Variants in CCDC146 observed in about 807,000 individuals in gnomAD.
CCDC146 encodes coiled-coil domain-containing protein 146.
CCDC146 carries 92 observed loss-of-function variants against 119.3 expected under a neutral mutation model. The ratio of observed to expected loss-of-function variants is 0.77; its 90% CI spans 0.65 to 0.92. CCDC146 has a LOEUF of 0.92. Among genes scored for constraint, CCDC146 ranks in the 40% least tolerant of loss-of-function variants. CCDC146 has a pLI of 0.00. For missense variants in CCDC146, 1,000 were observed against 1,103.0 expected (o/e 0.91, Z 1.32); for synonymous variants, 372 against 371.8 (o/e 1.00, Z -0.01).
intron 1 of CCDC146, among the ~76,000 whole-genome samples, chr7:77,135,065 A>C (rs1352881631): frequency 6.6e-6 from 1 of 152,232 alleles, no homozygotes; most frequent in African/African-American, 2.4e-5. Flanking sequence ...TCACAACTAC[A>C]ACCACCATTG....
In CCDC146 at chr7:77,282,117, T is replaced by C. The variant is rs527785661; in HGVS notation, c.1920-440T>C. 3.9e-5 allele frequency among the ~76,000 whole-genome samples: 6 copies of C among 152,330 alleles called. No homozygotes were observed. In the East Asian group the frequency reaches 1.2e-3, roughly 29 times the overall value. Reference sequence around the variant, plus strand: ...CAACTTGAGAAGAAACTAATGGGCCTAGCAACTTAATATAGAGCAGACTCA... The same window carrying C: ...CAACTTGAGAAGAAACTAATGGGCCCAGCAACTTAATATAGAGCAGACTCA... On this transcript the variant is annotated intron_variant, in intron 14 of 18. Coordinates refer to ENST00000285871, the MANE Select transcript of CCDC146 (RefSeq NM_020879.3).
intron 2 of CCDC146, among the ~76,000 whole-genome samples, chr7:77,209,828 A>T (rs1792148960): frequency 6.6e-6 from 1 of 152,178 alleles, no homozygotes; most frequent in Non-Finnish European, 1.5e-5. Context: ...CTGAAACAAC[A>T]GCCCATTCTG....
chr7:77,130,660 G>A (rs370934181), intron 1 of CCDC146, among the ~76,000 whole-genome samples: 29 of 145,178 alleles, frequency 2.0e-4, no homozygotes, highest in African/African-American at 7.0e-4. Flanking sequence ...GTGCAGTGGC[G>A]CGATCTCGAC....
At chr7:77,253,848 C>T (rs956499122) in intron 4 of CCDC146, among the ~76,000 whole-genome samples, 4 of 152,078 alleles carry the variant, frequency 2.6e-5, no homozygotes, top group South Asian at 2.1e-4. Context: ...AGATCTGTGG[C>T]GAGAGCATAC....
intron 2 of CCDC146, among the ~76,000 whole-genome samples, chr7:77,212,950 A>ATTTTT (rs5885013): frequency 3.6e-5 from 4 of 111,266 alleles, no homozygotes; most frequent in African/African-American, 7.2e-5. Flanking sequence ...GGTCACATTA[A>ATTTTT]TTTTTTTTTT....
At chr7:77,193,399 T>G (rs1419380525) in intron 2 of CCDC146, 2 of 152,234 alleles carry the variant, frequency 1.3e-5, no homozygotes, top group Non-Finnish European at 2.9e-5. Flanking sequence ...TATTTAATAT[T>G]TCCACATTGA....
intron 13 of CCDC146, 127 bp downstream of exon 13, chr7:77,279,228 C>A (rs1361183532): frequency 2.6e-6 from 2 of 761,364 alleles, no homozygotes; most frequent in South Asian, 2.0e-5. Flanking sequence ...GGTGCCACTG[C>A]CCTCCAGCCT....
rs367575545 is a variant in CCDC146 at position 77,280,503 on chromosome 7, A to G, written c.1769A>G (p.Lys590Arg). 1 of 1,614,214 alleles carries G rather than the reference A, an allele frequency of 6.2e-7. No homozygotes were observed. The highest frequency in any genetic ancestry group is 2.2e-5 in the East Asian group (1 of 44,886). Residue 590 changes from lysine (K) to arginine (R), a missense_variant, in exon 14 of 19, where the codon AAA (lysine) becomes AGA (arginine). Physicochemically the swap from Lys to Arg is conservative, Grantham distance 26. This residue lies in a region of CCDC146 where 985 missense variants were observed against 1,045.3 expected (regional missense o/e 0.94). Coordinates refer to ENST00000285871, the MANE Select transcript of CCDC146 (RefSeq NM_020879.3). ...GAGAGCATGCAAAACGATGTGCGCA[A>G]AATTGTATCAAAACTTCAGGAAATG... Reference protein sequence around the residue: ...IRESMQNDVRKIVSKLQEMKE... With the variant: ...IRESMQNDVRRIVSKLQEMKE...
chr7:77,291,093 G>GT (rs938441528), intron 17 of CCDC146, among the ~76,000 whole-genome samples: 69 of 152,284 alleles, frequency 4.5e-4, no homozygotes, highest in African/African-American at 1.6e-3. Flanking sequence ...AAAACAAAAA[G>GT]TCCTTGTCCT....
At chr7:77,148,266 G>A (rs940993306) in intron 1 of CCDC146, among the ~76,000 whole-genome samples, 1 of 152,156 alleles carries the variant, frequency 6.6e-6, no homozygotes, top group Non-Finnish European at 1.5e-5. Context: ...GAAAAGCGCA[G>A]TATTAGGGTG....
At chr7:77,127,659 G>C (rs1790708019) in intron 1 of CCDC146, among the ~76,000 whole-genome samples, 1 of 152,026 alleles carries the variant, frequency 6.6e-6, no homozygotes, top group South Asian at 2.1e-4. Context: ...TTGTTAATAT[G>C]GTTTAGTTTT....
chr7:77,158,211 A>G (rs1791205071), intron 1 of CCDC146, among the ~76,000 whole-genome samples: 1 of 152,096 alleles, frequency 6.6e-6, no homozygotes, highest in Non-Finnish European at 1.5e-5. Flanking sequence ...TTCTCTTCAG[A>G]TTATACATTG....
chr7:77,148,115 G>A lies in CCDC146; in HGVS notation c.-11-19543G>A, dbSNP rs538369548. Among the ~76,000 whole-genome samples, 11 of 152,308 alleles carry A rather than the reference G, an allele frequency of 7.2e-5. No homozygotes were observed. In the East Asian group the frequency reaches 1.5e-3, roughly 21 times the overall value. On this transcript the variant is annotated intron_variant, in intron 1 of 18. Transcript: ENST00000285871. ...TACTCAAGCCTCAGCAATGGCAGGC[G>A]CCCCTCACCCAGCCTCACTGCCACC...
intron 2 of CCDC146, among the ~76,000 whole-genome samples, chr7:77,168,473 T>C (rs1791371634): frequency 6.6e-6 from 1 of 151,912 alleles, no homozygotes; most frequent in African/African-American, 2.4e-5. Context: ...AAACTTTATA[T>C]AACTGAATAA....
chr7:77,146,657 C>T (rs1018219921), intron 1 of CCDC146, among the ~76,000 whole-genome samples: 1 of 152,050 alleles, frequency 6.6e-6, no homozygotes, highest in Non-Finnish European at 1.5e-5. Context: ...TTTATTTCTC[C>T]TTCACTTATG....
intron 1 of CCDC146, among the ~76,000 whole-genome samples, chr7:77,151,039 G>C (rs1791102736): frequency 6.6e-6 from 1 of 152,206 alleles, no homozygotes; most frequent in Non-Finnish European, 1.5e-5. Flanking sequence ...ATTTCTCACA[G>C]TTCTGGAGAC....
chr7:77,248,007 A>G (rs1031692476), intron 4 of CCDC146, among the ~76,000 whole-genome samples: 1 of 152,240 alleles, frequency 6.6e-6, no homozygotes, highest in African/African-American at 2.4e-5. Context: ...CACTATTCAC[A>G]ATAGCAAAGA....
At chr7:77,270,127 A>T (rs1192551870) in intron 9 of CCDC146, among the ~76,000 whole-genome samples, 1 of 152,204 alleles carries the variant, frequency 6.6e-6, no homozygotes, top group Admixed American at 6.5e-5. Context: ...AAAAATATCA[A>T]AGTGTTAAGC....
At chr7:77,191,479 T>C (rs765102303) in intron 2 of CCDC146, among the ~76,000 whole-genome samples, 9 of 152,172 alleles carry the variant, frequency 5.9e-5, no homozygotes, top group Non-Finnish European at 1.2e-4. Flanking sequence ...TTTACTCCTA[T>C]TCACACAGAT....
Sources: gnomAD v4.1 joint callset for allele counts (sites outside exome capture counted in the v4.1 genomes callset) on GRCh38, gnomAD v4.1.1 for gene constraint, gnomAD v4.1.1 regional missense constraint, MANE v1.5 for transcripts, NCBI Gene and HGNC (gene_info 2026-07-23, HGNC 2026-07-21) for gene names.